ACAP2: variants seen among roughly 807,000 people sequenced by gnomAD.
ACAP2 encodes ArfGAP with coiled-coil, ankyrin repeat and PH domains 2, also known as arf-GAP with coiled-coil, ANK repeat and PH domain-containing protein 2.
In ACAP2, 39 loss-of-function variants were observed where a neutral mutation model predicts 115.8. The ratio of observed to expected loss-of-function variants is 0.34; its 90% CI spans 0.26 to 0.44. ACAP2 has a LOEUF of 0.44. ACAP2 is among the 20% of genes least tolerant of loss of function. ACAP2 has a pLI of 1.00. For synonymous variants in ACAP2, 289 were observed against 315.8 expected, an observed-to-expected ratio of 0.92 and a Z score of 0.90; for missense variants, 662 against 927.6, an observed-to-expected ratio of 0.71 and a Z score of 3.72.
intron 12 of ACAP2, 91 bp from the exon 13 acceptor site, chr3:195,306,707 A>G: frequency 1.1e-6 from 1 of 912,520 alleles, no homozygotes; most frequent in East Asian, 2.7e-5. Flanking sequence ...TTGCTATTTA[A>G]TAATTTTCTA....
intron 1 of ACAP2, among the ~76,000 whole-genome samples, chr3:195,432,206 T>C (rs1715182135): frequency 6.6e-6 from 1 of 152,256 alleles, no homozygotes; most frequent in East Asian, 1.9e-4. Flanking sequence ...AAATTCAATT[T>C]ATCAATCTTT....
At chr3:195,354,976 G>T (rs893738831) in intron 4 of ACAP2, among the ~76,000 whole-genome samples, 1 of 152,122 alleles carries the variant, frequency 6.6e-6, no homozygotes, top group Non-Finnish European at 1.5e-5. Flanking sequence ...CAATTCTTGC[G>T]CCTTAGCCCT....
intron 4 of ACAP2, among the ~76,000 whole-genome samples, chr3:195,365,149 C>T (rs568065046): frequency 7.9e-5 from 12 of 152,032 alleles, no homozygotes; most frequent in South Asian, 6.2e-4. Flanking sequence ...GGTAGGGGGA[C>T]GTGGAGGTGG....
At position 195,344,231 on chromosome 3, in the gene ACAP2, G is replaced by GA. The variant is rs548562321; in HGVS notation, c.344+1027dup. Among the ~76,000 whole-genome samples the GA allele has an allele frequency of 3.3e-5, 5 of 151,516 alleles. 1 individual carries two copies. Among genetic ancestry groups the GA allele is most frequent in the South Asian group, 4.2e-4 (2 of 4,802 alleles). On this transcript the variant is annotated intron_variant, in intron 5 of 22. Coordinates refer to ENST00000326793, the MANE Select transcript of ACAP2 (RefSeq NM_012287.6). The stretch of plus-strand genomic sequence containing the variant: ...AGACCCTGTCTCTATATTTAAAAAA[G>GA]AAAAAAACAAAAGAAAAGAAACTGT...
intron 10 of ACAP2, among the ~76,000 whole-genome samples, chr3:195,312,768 A>G (rs1246980247): frequency 1.3e-5 from 2 of 152,252 alleles, no homozygotes; most frequent in Non-Finnish European, 2.9e-5. Flanking sequence ...TGTGCAACTA[A>G]AAGGTATAAT....
At position 195,382,017 on chromosome 3, in the gene ACAP2, C is replaced by T. The variant is rs1733975990; in HGVS notation, c.117G>A (p.Val39=). Residue 39 remains valine (V), a synonymous_variant, in exon 3 of 23, where the codon GTG becomes GTA. Transcript: ENST00000326793. The part of the protein sequence containing the change: ...AELELKLDKL[V]KLCIAMIDTG... Reference sequence around the variant, plus strand: ...TATCAATCATTGCAATACAAAGTTTCACAAGCTGAAAAAGAAAAAAAAAAT... The same window carrying T: ...TATCAATCATTGCAATACAAAGTTTTACAAGCTGAAAAAGAAAAAAAAAAT... 6 of 1,593,868 alleles carry T rather than the reference C, an allele frequency of 3.8e-6. No homozygotes were observed. Among genetic ancestry groups the T allele is most frequent in the Non-Finnish European group, 5.1e-6 (6 of 1,174,580 alleles).
intron 4 of ACAP2, among the ~76,000 whole-genome samples, chr3:195,347,139 A>G (rs557558784): frequency 6.6e-6 from 1 of 152,362 alleles, no homozygotes; most frequent in East Asian, 1.9e-4. Context: ...TAACTTTAAA[A>G]TATGAAGAAT....
chr3:195,325,477 A>G (rs1428822429), intron 9 of ACAP2: 1 of 422,750 alleles, frequency 2.4e-6, no homozygotes, highest in African/African-American at 2.2e-5. Context: ...ATTTAGGGGC[A>G]GAAAAGAGGT....
intron 8 of ACAP2, among the ~76,000 whole-genome samples, chr3:195,327,748 A>C (rs1729888751): frequency 6.6e-6 from 1 of 151,890 alleles, no homozygotes; most frequent in African/African-American, 2.4e-5. Context: ...TGGCCAACAT[A>C]GAGAAACCCC....
intron 10 of ACAP2, among the ~76,000 whole-genome samples, chr3:195,312,611 G>C (rs1201438506): frequency 6.6e-6 from 1 of 151,484 alleles, no homozygotes; most frequent in Non-Finnish European, 1.5e-5. Flanking sequence ...GGACCACAGA[G>C]GCATGCCACC....
chr3:195,330,774 T>C (rs1730115149), intron 8 of ACAP2, among the ~76,000 whole-genome samples: 2 of 152,212 alleles, frequency 1.3e-5, no homozygotes, highest in South Asian at 4.1e-4. Flanking sequence ...TTGCAGCTAT[T>C]GTGACCCTGC....
intron 2 of ACAP2, among the ~76,000 whole-genome samples, chr3:195,389,245 T>C (rs931576500): frequency 3.9e-5 from 6 of 152,106 alleles, no homozygotes; most frequent in Non-Finnish European, 8.8e-5. Context: ...CAGATTTGAA[T>C]CTTTTGGTCT....
chr3:195,304,702 C>T (rs2108976664), intron 13 of ACAP2, among the ~76,000 whole-genome samples: 1 of 152,334 alleles, frequency 6.6e-6, no homozygotes, highest in East Asian at 1.9e-4. Flanking sequence ...ACCAATCCCT[C>T]ATAGCTATGC....
chr3:195,398,637 CTAAATAAATAAATAAATAAA>C (rs55788907), intron 1 of ACAP2, among the ~76,000 whole-genome samples: 11 of 142,776 alleles, frequency 7.7e-5, no homozygotes, highest in Admixed American at 4.2e-4. Flanking sequence ...AACTCCAACT[CTAAATAAATAAATAAATAAA>C]TAAATAAATA....
At chr3:195,353,851 T>G (rs1731775748) in intron 4 of ACAP2, among the ~76,000 whole-genome samples, 1 of 152,196 alleles carries the variant, frequency 6.6e-6, no homozygotes, top group Non-Finnish European at 1.5e-5. Flanking sequence ...ACTTTTAGGT[T>G]CAGGGGTGCA....
At chr3:195,325,455 C>A in intron 9 of ACAP2, 1 of 405,464 alleles carries the variant, frequency 2.5e-6, no homozygotes, top group Non-Finnish European at 4.7e-6. Context: ...TGTAACGCAG[C>A]CTTGTGTCAG....
intron 7 of ACAP2, among the ~76,000 whole-genome samples, chr3:195,335,126 T>G (rs1233198762): frequency 6.6e-6 from 1 of 152,184 alleles, no homozygotes; most frequent in East Asian, 1.9e-4. Context: ...AAATTCAAAT[T>G]TCTGTGTTTA....
In ACAP2 at chr3:195,410,959, A is replaced by T; in HGVS notation, c.54-18812T>A. 5.3e-6 allele frequency: 2 copies of T among 375,284 alleles called. 1 individual carries two copies. The highest frequency in any genetic ancestry group is 4.0e-5 in the South Asian group (2 of 49,904). The allele number at this position is 375,284 out of a possible 1,614,324, so 23.2% of individuals were successfully genotyped here. Reference sequence around the variant, plus strand: ...TTGAAAGCAGAGATAGCTGGCCCTCACCAGACACTAATCTGCTGGCATCTT... The same window carrying T: ...TTGAAAGCAGAGATAGCTGGCCCTCTCCAGACACTAATCTGCTGGCATCTT... On this transcript the variant is annotated intron_variant, in intron 1 of 22. Transcript: ENST00000326793.
chr3:195,282,307 A>T (rs1051225269), intron 22 of ACAP2: 1 of 152,240 alleles, frequency 6.6e-6, no homozygotes, highest in Non-Finnish European at 1.5e-5. Context: ...TTGGTGCTAT[A>T]ATAATCATTG....
Sources: gnomAD v4.1 joint callset for allele counts (sites outside exome capture counted in the v4.1 genomes callset) on GRCh38, gnomAD v4.1.1 for gene constraint, MANE v1.5 for transcripts, NCBI Gene and HGNC (gene_info 2026-07-23, HGNC 2026-07-21) for gene names.